The following NIM1K variants were observed in gnomAD, a reference collection of about 807,000 sequenced individuals.
The protein encoded by NIM1K is NIM1 serine/threonine protein kinase, also known as serine/threonine-protein kinase NIM1.
In NIM1K, 35 loss-of-function variants were observed where a neutral mutation model predicts 37.1. The ratio of observed to expected loss-of-function variants is 0.94; its 90% CI spans 0.72 to 1.25. NIM1K has a LOEUF of 1.25. Among genes scored for constraint, NIM1K ranks in the 50% most tolerant of loss-of-function variants. The pLI, the probability that NIM1K is intolerant of heterozygous loss-of-function variation, is 0.00. For missense variants in NIM1K, 564 were observed against 548.0 expected, an observed-to-expected ratio of 1.03 and a Z score of -0.29; for synonymous variants, 234 against 206.6, an observed-to-expected ratio of 1.13 and a Z score of -1.14.
At chr5:43,272,909 C>T (rs192531875) in intron 2 of NIM1K, among the ~76,000 whole-genome samples, 1 of 152,228 alleles carries the variant, frequency 6.6e-6, no homozygotes, top group Admixed American at 6.5e-5. Flanking sequence ...AAGGATTCAC[C>T]ATCCCCACTA....
chr5:43,208,389 G>A (rs933440387), intron 1 of NIM1K, among the ~76,000 whole-genome samples: 1 of 152,122 alleles, frequency 6.6e-6, no homozygotes, highest in Non-Finnish European at 1.5e-5. Flanking sequence ...CAGATCACAA[G>A]GTCAGGAGTT....
intron 2 of NIM1K, 91 bp from the exon 3 acceptor site, chr5:43,276,966 C>T: frequency 3.1e-6 from 4 of 1,291,350 alleles, no homozygotes; most frequent in Non-Finnish European, 3.3e-6. Context: ...CACTCTCTGT[C>T]TAGTAAAGGA....
chr5:43,264,881 T>C (rs1753098536), intron 2 of NIM1K, among the ~76,000 whole-genome samples: 1 of 152,232 alleles, frequency 6.6e-6, no homozygotes, highest in Non-Finnish European at 1.5e-5. Context: ...CTTATGAAGC[T>C]TAGTTTGACT....
chr5:43,244,391 C>T (rs539745851), intron 1 of NIM1K, among the ~76,000 whole-genome samples: 5 of 152,334 alleles, frequency 3.3e-5, no homozygotes, highest in Middle Eastern at 3.4e-3. Flanking sequence ...GGAAAATGCA[C>T]GAAGTGCTGT....
At chr5:43,223,000 G>T (rs904259612) in intron 1 of NIM1K, among the ~76,000 whole-genome samples, 1 of 151,848 alleles carries the variant, frequency 6.6e-6, no homozygotes, top group African/African-American at 2.4e-5. Flanking sequence ...TTAGCCTGGC[G>T]TGGTGGTGCA....
chr5:43,261,133 G>A, intron 2 of NIM1K, among the ~76,000 whole-genome samples: 1 of 152,120 alleles, frequency 6.6e-6, no homozygotes, highest in Admixed American at 6.6e-5. Flanking sequence ...CCCAGTAATG[G>A]GATGGCTGGG....
Position 43,238,036 on chromosome 5 carries a change from TTAA to T in NIM1K, c.-694-7044_-694-7042del, listed in dbSNP as rs1351938684. Among the ~76,000 whole-genome samples, 259 of 149,772 alleles carry T rather than the reference TTAA, an allele frequency of 1.7e-3. 2 individuals are homozygous for T. The highest frequency in any genetic ancestry group is 6.2e-3 in the African/African-American group (252 of 40,906). On this transcript the variant is annotated intron_variant, in intron 1 of 3. Transcript: ENST00000326035. ...GATTTTTCTTTCACAATTCTTCAAT[TTAA>T]TTTTTTTTTTTTTTTTTTTTTGAGA...
chr5:43,271,917 C>T (rs1753262433), intron 2 of NIM1K, among the ~76,000 whole-genome samples: 1 of 152,192 alleles, frequency 6.6e-6, no homozygotes, highest in African/African-American at 2.4e-5. Context: ...TACAAGAAAT[C>T]ATACAGTAGT....
At chr5:43,227,799 G>A (rs1314834208) in intron 1 of NIM1K, among the ~76,000 whole-genome samples, 1 of 152,040 alleles carries the variant, frequency 6.6e-6, no homozygotes, top group Non-Finnish European at 1.5e-5. Context: ...TGTGACACTT[G>A]GACTTAAGGG....
intron 1 of NIM1K, among the ~76,000 whole-genome samples, chr5:43,214,259 C>T (rs998942492): frequency 6.6e-6 from 1 of 152,018 alleles, no homozygotes; most frequent in African/African-American, 2.4e-5. Context: ...TATTTTTAGC[C>T]CTTAAACCAA....
At chr5:43,244,391 C>A (rs539745851) in intron 1 of NIM1K, among the ~76,000 whole-genome samples, 1 of 152,216 alleles carries the variant, frequency 6.6e-6, no homozygotes, top group African/African-American at 2.4e-5. Context: ...GGAAAATGCA[C>A]GAAGTGCTGT....
At chr5:43,193,891 T>G (rs930648377) in intron 1 of NIM1K, among the ~76,000 whole-genome samples, 1 of 152,218 alleles carries the variant, frequency 6.6e-6, no homozygotes, top group Non-Finnish European at 1.5e-5. Flanking sequence ...GACCTTCTCT[T>G]GTACCCTCGT....
intron 1 of NIM1K, chr5:43,206,570 T>G (rs1226576111): frequency 1.4e-5 from 7 of 494,910 alleles, no homozygotes; most frequent in South Asian, 5.2e-5. Context: ...ATTAGGAGGG[T>G]CTTGAAGGCT....
At chr5:43,269,015 T>C (rs995879831) in intron 2 of NIM1K, among the ~76,000 whole-genome samples, 1 of 152,022 alleles carries the variant, frequency 6.6e-6, no homozygotes, top group Admixed American at 6.6e-5. Context: ...AATATAAGAA[T>C]AGCCACTCCT....
intron 2 of NIM1K, among the ~76,000 whole-genome samples, chr5:43,261,709 C>A (rs912019719): frequency 5.9e-5 from 9 of 151,978 alleles, no homozygotes; most frequent in African/African-American, 9.7e-5. Flanking sequence ...AATGGTATTG[C>A]CTAGGTTTTC....
intron 1 of NIM1K, among the ~76,000 whole-genome samples, chr5:43,215,345 C>T (rs942264801): frequency 6.6e-6 from 1 of 152,236 alleles, no homozygotes; most frequent in African/African-American, 2.4e-5. Flanking sequence ...ATTTGCCTTT[C>T]TCTTCATCAC....
chr5:43,254,591 T>G (rs947817812), intron 2 of NIM1K, among the ~76,000 whole-genome samples: 1 of 151,780 alleles, frequency 6.6e-6, no homozygotes, highest in Non-Finnish European at 1.5e-5. Context: ...AATCCAGGAG[T>G]GGTGGAGGAA....
intron 2 of NIM1K, among the ~76,000 whole-genome samples, chr5:43,249,051 T>A (rs1428665523): frequency 2.1e-5 from 3 of 144,696 alleles, no homozygotes; most frequent in African/African-American, 7.8e-5. Context: ...TATTTTTATT[T>A]ATTTATTTAT....
intron 1 of NIM1K, chr5:43,233,119 G>A (rs1752566144): frequency 3.0e-6 from 4 of 1,341,014 alleles, no homozygotes; most frequent in East Asian, 2.3e-5. Context: ...CTCCCAGCAG[G>A]CATTGCCAAC....
Sources: gnomAD v4.1 joint callset for allele counts (sites outside exome capture counted in the v4.1 genomes callset) on GRCh38, gnomAD v4.1.1 for gene constraint, MANE v1.5 for transcripts, NCBI Gene and HGNC (gene_info 2026-07-23, HGNC 2026-07-21) for gene names.